Variants in TRPC5 observed in about 807,000 individuals in gnomAD.
TRPC5 encodes short transient receptor potential channel 5.
In TRPC5, 9 loss-of-function variants were observed where a neutral mutation model predicts 56.5. The ratio of observed to expected loss-of-function variants is 0.16; its 90% CI spans 0.10 to 0.28. The LOEUF is 0.28. Among genes scored for constraint, TRPC5 ranks in the 10% least tolerant of loss-of-function variants. TRPC5 has a pLI of 1.00. For missense variants in TRPC5, 469 were observed against 748.9 expected (o/e 0.63, Z 4.36); for synonymous variants, 282 against 278.5 (o/e 1.01, Z -0.13).
At chrX:112,008,310 G>C (rs1928894603) in intron 1 of TRPC5, among the ~76,000 whole-genome samples, 1 of 111,985 alleles carries the variant, frequency 8.9e-6, no homozygotes, top group South Asian at 3.7e-4. Context: ...AGAAGGTGAT[G>C]GCTGGGCGCG....
chrX:111,779,800 C>T (rs141263313), intron 9 of TRPC5, among the ~76,000 whole-genome samples: 1,724 of 111,955 alleles, frequency 0.015, 15 homozygotes, highest in Middle Eastern at 0.037. Context: ...TAAGTGTCAG[C>T]ATTAGACTTT....
At chrX:111,982,475 T>C (rs1928108302) in intron 1 of TRPC5, among the ~76,000 whole-genome samples, 1 of 111,479 alleles carries the variant, frequency 9.0e-6, no homozygotes. Context: ...GGTTATAGTT[T>C]TTCACTGACC....
chrX:111,865,059 C>CAGCTCACTGCAATCTCCACCTCCCT (rs1341729801), intron 3 of TRPC5, among the ~76,000 whole-genome samples: 1 of 110,654 alleles, frequency 9.0e-6, no homozygotes, highest in South Asian at 3.9e-4. Context: ...GGCATGATCT[C>CAGCTCACTGCAATCTCCACCTCCCT]AGCTCACTGC....
chrX:112,021,211 C>T (rs781647219), intron 1 of TRPC5, among the ~76,000 whole-genome samples: 1 of 110,789 alleles, frequency 9.0e-6, no homozygotes, highest in Non-Finnish European at 1.9e-5. Flanking sequence ...TCTTCCCCAT[C>T]CTTACATATA....
At chrX:111,965,868 A>C (rs763835102) in intron 1 of TRPC5, among the ~76,000 whole-genome samples, 1 of 111,982 alleles carries the variant, frequency 8.9e-6, no homozygotes, top group African/African-American at 3.2e-5. Context: ...CACAAGAGAA[A>C]GCAGGAAAGA....
intron 1 of TRPC5, among the ~76,000 whole-genome samples, chrX:111,959,933 A>C (rs1218204124): frequency 9.0e-6 from 1 of 111,576 alleles, no homozygotes; most frequent in African/African-American, 3.3e-5. Context: ...CAAAGAGATC[A>C]GGGGAACTGG....
chrX:111,968,450 T>A (rs1927671653), intron 1 of TRPC5, among the ~76,000 whole-genome samples: 1 of 111,401 alleles, frequency 9.0e-6, no homozygotes, highest in Admixed American at 9.5e-5. Context: ...AGAAATACCA[T>A]TTGACCCAGC....
At chrX:111,799,345 C>G (rs1346496019) in intron 7 of TRPC5, among the ~76,000 whole-genome samples, 1 of 111,414 alleles carries the variant, frequency 9.0e-6, no homozygotes, top group African/African-American at 3.3e-5. Flanking sequence ...CAGGAAGTAC[C>G]TTGCTAGTAA....
chrX:111,919,641 G>A (rs185980008), intron 2 of TRPC5, among the ~76,000 whole-genome samples: 12 of 111,963 alleles, frequency 1.1e-4, no homozygotes, highest in Non-Finnish European at 2.3e-4. Context: ...ACAGCAGCTG[G>A]GCAAAATTAT....
At chrX:111,992,692 T>C (rs1450923352) in intron 1 of TRPC5, among the ~76,000 whole-genome samples, 1 of 109,241 alleles carries the variant, frequency 9.2e-6, no homozygotes, top group African/African-American at 3.3e-5. Flanking sequence ...AACTTCTGAC[T>C]CCCGGGCTCA....
intron 7 of TRPC5, among the ~76,000 whole-genome samples, chrX:111,806,033 C>A (rs991501454): frequency 1.1e-4 from 1 of 9,342 alleles, no homozygotes; most frequent in Non-Finnish European, 1.8e-4. Flanking sequence ...TGTGATAATA[C>A]AAAAGCATTT....
At position 112,075,043 on chromosome X, in the gene TRPC5, T is replaced by C. The variant is rs149396443; in HGVS notation, c.-22+6836A>G. Among the ~76,000 whole-genome samples, 477 of 112,778 alleles carry C rather than the reference T, an allele frequency of 4.2e-3. 1 individual carries two copies. Among genetic ancestry groups the C allele is most frequent in the African/African-American group, 0.014 (434 of 31,068 alleles). On this transcript the variant is annotated intron_variant, in intron 1 of 10. Transcript: ENST00000262839. ...CTTCATCAGCCTTTTCCTAGATGTA[T>C]AAACAAATATACATTTTATATTCCT...
chrX:111,863,203 CT>C lies in TRPC5; in HGVS notation c.901-9098del, dbSNP rs201082260. ...AAAAAAATCGGTTAACATCAGGTTACTTTTTTTGGCAAGGGTTAAAACAGAG... is the reference window on the plus strand; with the variant it reads ...AAAAAAATCGGTTAACATCAGGTTACTTTTTTGGCAAGGGTTAAAACAGAG... On this transcript the variant is annotated intron_variant, in intron 3 of 10. Coordinates refer to ENST00000262839, the MANE Select transcript of TRPC5 (RefSeq NM_012471.3). Among the ~76,000 whole-genome samples the C allele has an allele frequency of 3.8e-3, 430 of 111,772 alleles. 1 individual carries two copies. The highest frequency in any genetic ancestry group is 0.013 in the African/African-American group (395 of 30,776).
intron 7 of TRPC5, among the ~76,000 whole-genome samples, chrX:111,821,819 A>G (rs1268409633): frequency 3.6e-5 from 4 of 112,038 alleles, no homozygotes; most frequent in Non-Finnish European, 5.6e-5. Flanking sequence ...AAATGTTTGT[A>G]TCCTATGGAG....
At chrX:111,885,301 CTTAGT>C (rs1049944115) in intron 3 of TRPC5, among the ~76,000 whole-genome samples, 1 of 112,328 alleles carries the variant, frequency 8.9e-6, no homozygotes, top group African/African-American at 3.2e-5. Flanking sequence ...AAGGACTAAG[CTTAGT>C]TAAGTCCTAG....
chrX:111,790,527 G>A (rs950526331), intron 7 of TRPC5, among the ~76,000 whole-genome samples: 1 of 111,383 alleles, frequency 9.0e-6, no homozygotes, highest in African/African-American at 3.3e-5. Context: ...CCTGTACGTT[G>A]TGCACATGTA....
chrX:111,995,289 C>T (rs761345807), intron 1 of TRPC5, among the ~76,000 whole-genome samples: 11 of 111,956 alleles, frequency 9.8e-5, no homozygotes, highest in African/African-American at 3.2e-4. Context: ...GTATGTTGAA[C>T]CACCCTTGCA....
At chrX:112,053,848 T>C (rs1049546538) in intron 1 of TRPC5, among the ~76,000 whole-genome samples, 2 of 112,177 alleles carry the variant, frequency 1.8e-5, no homozygotes, top group East Asian at 2.8e-4. Context: ...CCTTCCCATA[T>C]AGGAGTGTGC....
At chrX:111,948,921 C>A (rs1927002330) in intron 2 of TRPC5, among the ~76,000 whole-genome samples, 1 of 111,109 alleles carries the variant, frequency 9.0e-6, no homozygotes, top group South Asian at 3.9e-4. Flanking sequence ...TGTCTTAAGA[C>A]TCCCTCCCTA....
Sources: allele counts gnomAD v4.1 joint callset (sites outside exome capture counted in the v4.1 genomes callset), GRCh38; gene constraint gnomAD v4.1.1; transcripts MANE v1.5; gene names NCBI Gene and HGNC (gene_info 2026-07-23, HGNC 2026-07-21).